The following FOXP1 variants were observed in gnomAD, a reference collection of about 807,000 sequenced individuals.
FOXP1 encodes the protein forkhead box protein P1.
Under a neutral mutation model 98.2 loss-of-function variants are expected in FOXP1, and 15 were observed. The observed-to-expected ratio is 0.15, with a 90% confidence interval of 0.10 to 0.24. The LOEUF is 0.24. FOXP1 is among the 10% of genes least tolerant of loss of function. The pLI, the probability that FOXP1 is intolerant of heterozygous loss-of-function variation, is 1.00. For synonymous variants in FOXP1, 371 were observed against 314.5 expected (o/e 1.18, Z -1.90); for missense variants, 633 against 848.5 (o/e 0.75, Z 3.15).
chr3:71,557,602 C>G (rs1199937698), intron 2 of FOXP1, among the ~76,000 whole-genome samples: 1 of 152,220 alleles, frequency 6.6e-6, no homozygotes, highest in Non-Finnish European at 1.5e-5. Context: ...ATTCAACTGT[C>G]TGTCCCACCT....
intron 14 of FOXP1, among the ~76,000 whole-genome samples, chr3:70,987,715 A>T (rs146060413): frequency 6.6e-6 from 1 of 152,186 alleles, no homozygotes; most frequent in Non-Finnish European, 1.5e-5. Flanking sequence ...GTATTTCAGT[A>T]CCTTGCTTGG....
intron 9 of FOXP1, 32 bp from the exon 10 acceptor site, chr3:71,047,127 G>A: frequency 6.2e-7 from 1 of 1,613,236 alleles, no homozygotes; most frequent in Non-Finnish European, 8.5e-7. Context: ...AAATGAGATG[G>A]CCACTTCCCA....
At chr3:70,973,846 C>A (rs1299408663) in intron 17 of FOXP1, among the ~76,000 whole-genome samples, 4 of 112,104 alleles carry the variant, frequency 3.6e-5, no homozygotes, top group Non-Finnish European at 5.6e-5. Context: ...CCCCCCCCCC[C>A]CCACCCCCCA....
At chr3:71,023,348 T>C (rs565879631) in intron 11 of FOXP1, among the ~76,000 whole-genome samples, 16 of 152,350 alleles carry the variant, frequency 1.1e-4, no homozygotes, top group Non-Finnish European at 1.9e-4. Flanking sequence ...CTGTGATTTT[T>C]GTCTGCACGG....
intron 18 of FOXP1, chr3:70,971,486 G>C (rs1267454293): frequency 1.3e-5 from 2 of 153,864 alleles, no homozygotes; most frequent in African/African-American, 4.8e-5. Flanking sequence ...AAATTACATA[G>C]GGCATACTGA....
At chr3:71,551,148 C>T (rs191842091) in intron 2 of FOXP1, among the ~76,000 whole-genome samples, 2 of 152,168 alleles carry the variant, frequency 1.3e-5, no homozygotes, top group East Asian at 3.9e-4. Context: ...GTTTGGTGTT[C>T]GTGTTCTGGC....
intron 3 of FOXP1, among the ~76,000 whole-genome samples, chr3:71,378,564 T>C (rs1281277223): frequency 2.0e-5 from 3 of 152,190 alleles, no homozygotes; most frequent in African/African-American, 4.8e-5. Flanking sequence ...AGTAGCCATA[T>C]TGGTTGTCAG....
intron 7 of FOXP1, among the ~76,000 whole-genome samples, chr3:71,074,166 T>C (rs2053563678): frequency 6.6e-6 from 1 of 152,194 alleles, no homozygotes; most frequent in African/African-American, 2.4e-5. Context: ...AACAACCGGA[T>C]GAAGTAGGTA....
chr3:71,103,128 G>A lies in FOXP1; in HGVS notation c.282+9408C>T, dbSNP rs571798353. The stretch of plus-strand genomic sequence containing the variant: ...TTTAATTTTTCTAATGTCAGGGTAG[G>A]GGGTTGCAGCCTGGTCACATTATCT... On this transcript the variant is annotated intron_variant, in intron 7 of 20. Transcript: ENST00000649528. 3.3e-5 allele frequency among the ~76,000 whole-genome samples: 5 copies of A among 152,246 alleles called. No homozygotes were observed. In the South Asian group the frequency reaches 8.3e-4, roughly 25 times the overall value.
At chr3:71,389,340 G>A (rs928853272) in intron 3 of FOXP1, among the ~76,000 whole-genome samples, 1 of 150,322 alleles carries the variant, frequency 6.7e-6, no homozygotes, top group Non-Finnish European at 1.5e-5. Flanking sequence ...GCTCACAAAG[G>A]CCTGCATCAC....
intron 5 of FOXP1, among the ~76,000 whole-genome samples, chr3:71,280,910 T>C (rs1366726377): frequency 6.6e-6 from 1 of 151,888 alleles, no homozygotes; most frequent in Non-Finnish European, 1.5e-5. Context: ...CTGCATGCAT[T>C]TCTGAAGGAA....
At chr3:71,526,591 T>A (rs2043399105) in intron 2 of FOXP1, among the ~76,000 whole-genome samples, 2 of 152,228 alleles carry the variant, frequency 1.3e-5, no homozygotes, top group South Asian at 4.1e-4. Flanking sequence ...TTATTAAAAA[T>A]CTTCTTTGAA....
intron 5 of FOXP1, among the ~76,000 whole-genome samples, chr3:71,250,391 T>G (rs1248893144): frequency 2.0e-5 from 3 of 152,218 alleles, no homozygotes; most frequent in Non-Finnish European, 4.4e-5. Context: ...GCACTTGAAA[T>G]ATGGCTAGTG....
chr3:71,444,004 GC>G (rs1288179503), intron 3 of FOXP1, among the ~76,000 whole-genome samples: 1 of 152,152 alleles, frequency 6.6e-6, no homozygotes, highest in Admixed American at 6.5e-5. Context: ...TCACCAGCCA[GC>G]CCCAGCCCAA....
intron 7 of FOXP1, among the ~76,000 whole-genome samples, chr3:71,111,424 T>G (rs1312279966): frequency 6.6e-6 from 1 of 152,054 alleles, no homozygotes; most frequent in Non-Finnish European, 1.5e-5. Context: ...TGAGATGGAG[T>G]TTCACTCTTG....
At chr3:71,048,845 C>T (rs767947970) in intron 9 of FOXP1, among the ~76,000 whole-genome samples, 3 of 151,856 alleles carry the variant, frequency 2.0e-5, no homozygotes, top group Non-Finnish European at 4.4e-5. Flanking sequence ...TGTTTCCTGC[C>T]TTACTGTAAA....
chr3:71,036,390 C>G (rs973621881), intron 11 of FOXP1, among the ~76,000 whole-genome samples: 10 of 152,216 alleles, frequency 6.6e-5, no homozygotes, highest in African/African-American at 2.4e-4. Flanking sequence ...CAACCACCAT[C>G]TGATCAGGGT....
intron 3 of FOXP1, among the ~76,000 whole-genome samples, chr3:71,387,856 A>G (rs574342352): frequency 2.0e-5 from 3 of 152,286 alleles, no homozygotes; most frequent in Admixed American, 6.5e-5. Flanking sequence ...GTTCTCTGTT[A>G]TTGAAAAAAA....
Position 71,135,325 on chromosome 3 carries a change from A to AG in FOXP1, c.181-22689dup, listed in dbSNP as rs147488825. On this transcript the variant is annotated intron_variant, in intron 6 of 20. Transcript: ENST00000649528. The stretch of plus-strand genomic sequence containing the variant: ...GAAATGTCCTTCCCTCTGAAAAAGG[A>AG]GGGGGGACCAAAAGGAGGGGAGACC... 7.5e-3 allele frequency among the ~76,000 whole-genome samples: 1,124 copies of AG among 150,496 alleles called. 17 individuals carry two copies. Among genetic ancestry groups the AG allele is most frequent in the African/African-American group, 0.027 (1,095 of 41,052 alleles).
Sources: gnomAD v4.1 joint callset for allele counts (sites outside exome capture counted in the v4.1 genomes callset) on GRCh38, gnomAD v4.1.1 for gene constraint, MANE v1.5 for transcripts, NCBI Gene and HGNC (gene_info 2026-07-23, HGNC 2026-07-21) for gene names.